DNA2: variants seen among roughly 807,000 people sequenced by gnomAD.
The protein encoded by DNA2 is DNA replication ATP-dependent helicase/nuclease DNA2.
Under a neutral mutation model 119.1 loss-of-function variants are expected in DNA2, and 101 were observed. The ratio of observed to expected loss-of-function variants is 0.85; its 90% CI spans 0.72 to 1.00. The LOEUF (loss-of-function observed/expected upper bound fraction) is 1.00, where lower values mean the gene tolerates loss of function less well. Ranked by LOEUF, DNA2 falls within the 50% of genes least tolerant of loss-of-function variation. DNA2 has a pLI of 0.00. For missense variants in DNA2, 1,121 were observed against 1,255.5 expected (o/e 0.89, Z 1.62); for synonymous variants, 366 against 424.4 (o/e 0.86, Z 1.69).
At chr10:68,463,607 C>T (rs1329993190) in intron 4 of DNA2, among the ~76,000 whole-genome samples, 11 of 148,146 alleles carry the variant, frequency 7.4e-5, no homozygotes, top group Non-Finnish European at 1.6e-4. Flanking sequence ...GGAGGTGGAG[C>T]TTGCAGTGAG....
Position 68,445,088 on chromosome 10 carries a change from GA to G in DNA2, c.1058-6del, listed in dbSNP as rs201474338. The G allele has an allele frequency of 3.5e-3, 5,544 of 1,570,198 alleles. 65 individuals carry two copies. The highest frequency in any genetic ancestry group is 0.02 in the African/African-American group (1,472 of 72,412). On this transcript the variant is annotated splice_region_variant and splice_polypyrimidine_tract_variant and intron_variant, in intron 7 of 20. Transcript: ENST00000358410. ...GGTTTCTTAGCTTTAATAATTCTAT[GA>G]AAAAAAAGGTGAATGTCTTTTTAAG...
At chr10:68,449,997 A>T in intron 6 of DNA2, 31 bp downstream of exon 6, 2 of 1,458,304 alleles carry the variant, frequency 1.4e-6, no homozygotes, top group East Asian at 2.5e-5. Flanking sequence ...AAAAAGTATA[A>T]AACAGACAAT....
At position 68,437,166 on chromosome 10, in the gene DNA2, T is replaced by C. The variant is rs549990947; in HGVS notation, c.1491A>G (p.Leu497=). 101 of 1,613,928 alleles carry C rather than the reference T, an allele frequency of 6.3e-5. 1 individual carries two copies. The South Asian group carries it at 1.1e-3, about 17-fold the overall frequency. Residue 497 remains leucine (L), a synonymous_variant, in exon 10 of 21, where the codon TTA becomes TTG. Transcript: ENST00000358410. ...HVKIVCDGQY[L]HNFQCKHGAI... ...CACCATGTTTACATTGGAAATTATG[T>C]AAATATTGCCCATCACAAACTATCT...
chr10:68,453,900 T>C lies in DNA2; in HGVS notation c.720-3653A>G, dbSNP rs138476605. 5.6e-3 allele frequency among the ~76,000 whole-genome samples: 848 copies of C among 152,320 alleles called. 13 individuals carry two copies. The highest frequency in any genetic ancestry group is 0.019 in the African/African-American group (794 of 41,586). ...CCATCATTAAGCTAGCATGAGTGCA[T>C]TGTATATAAAATGTATATAAGTTTG... On this transcript the variant is annotated intron_variant, in intron 5 of 20. Coordinates refer to ENST00000358410, the MANE Select transcript of DNA2 (RefSeq NM_001080449.3).
chr10:68,466,931 A>G (rs908347272), intron 3 of DNA2, among the ~76,000 whole-genome samples: 1 of 152,008 alleles, frequency 6.6e-6, no homozygotes, highest in African/African-American at 2.4e-5. Context: ...GCTCATGCCT[A>G]TAGTCCCAGC....
At chr10:68,418,833 C>T (rs1372401739) in intron 19 of DNA2, among the ~76,000 whole-genome samples, 2 of 151,754 alleles carry the variant, frequency 1.3e-5, no homozygotes, top group African/African-American at 2.4e-5. Context: ...CCACCACGCC[C>T]GGCTAATTTT....
chr10:68,471,282 A>C (rs2052378579), intron 1 of DNA2, among the ~76,000 whole-genome samples: 1 of 152,212 alleles, frequency 6.6e-6, no homozygotes, highest in African/African-American at 2.4e-5. Context: ...TGCCTTAAAG[A>C]TGTTTCTCAA....
rs569824892 is a variant in DNA2, at chr10:68,414,750, A to T, written c.*289T>A. The T allele has an allele frequency of 3.5e-6, 1 of 287,052 alleles. No homozygotes were observed. The highest frequency in any genetic ancestry group is 6.6e-6 in the Non-Finnish European group (1 of 151,694). 17.8% of individuals were successfully genotyped at this position (287,052 alleles called of 1,614,324 possible). ...TCTTTCAAATAAAGTTCTTACAATG[A>T]TATCTACAAAATCAAATTAGTCCTG... On this transcript the variant is annotated 3_prime_UTR_variant, in exon 21 of 21. Transcript: ENST00000358410.
rs201474338 is a variant in DNA2, at chr10:68,445,088, G to GA, written c.1058-6dup. 64 of 1,570,064 alleles carry GA rather than the reference G, an allele frequency of 4.1e-5. No individual in the cohort carries two copies. Among genetic ancestry groups the GA allele is most frequent in the Admixed American group, 7.7e-5 (4 of 51,912 alleles). ...GGTTTCTTAGCTTTAATAATTCTATGAAAAAAAAGGTGAATGTCTTTTTAA... is the reference window on the plus strand; with the variant it reads ...GGTTTCTTAGCTTTAATAATTCTATGAAAAAAAAAGGTGAATGTCTTTTTAA... On this transcript the variant is annotated splice_region_variant and splice_polypyrimidine_tract_variant and intron_variant, in intron 7 of 20. Transcript: ENST00000358410.
Position 68,422,886 on chromosome 10 carries a change from A to T in DNA2, c.2213T>A (p.Ile738Lys), listed in dbSNP as rs1206193399. 2 of 1,567,046 alleles carry T rather than the reference A, an allele frequency of 1.3e-6. No homozygotes were observed. ...TATTCCCATACATGTTGTTGCAACT[A>T]TAAGCTAAAAACAAGGAAAACAGAT... is the stretch of plus-strand genomic sequence containing the variant. ...LLEELYNSQLIVATTCMGINH... is the reference protein window; with the variant it reads ...LLEELYNSQLKVATTCMGINH... The change falls in exon 15 of 21, where the codon ATA becomes AAA. Residue 738 changes from isoleucine (I) to lysine (K), a missense_variant. Coordinates refer to ENST00000358410, the MANE Select transcript of DNA2 (RefSeq NM_001080449.3).
At chr10:68,458,854 A>C (rs1408160706) in intron 5 of DNA2, among the ~76,000 whole-genome samples, 4 of 152,192 alleles carry the variant, frequency 2.6e-5, no homozygotes, top group Admixed American at 2.6e-4. Flanking sequence ...CATCTCAAAA[A>C]AAAAGAAAGA....
At position 68,442,970 on chromosome 10, in the gene DNA2, C is replaced by T. The variant is rs74537378; in HGVS notation, c.1362G>A (p.Ser454=). 4.9e-3 allele frequency: 7,826 copies of T among 1,612,490 alleles called. 315 individuals are homozygous for T. In the African/African-American group the frequency reaches 0.091, roughly 19 times the overall value. The change falls in exon 9 of 21, where the codon TCG becomes TCA. Residue 454 remains serine (S), a synonymous_variant. Coordinates refer to ENST00000358410, the MANE Select transcript of DNA2 (RefSeq NM_001080449.3). ...TTTGGTGATTCTTTTTATTATCCTTCGATTGTGACTCCAGGGTTAACATTA... is the reference window on the plus strand; with the variant it reads ...TTTGGTGATTCTTTTTATTATCCTTTGATTGTGACTCCAGGGTTAACATTA... ...WCLMLTLESQ[S]KDNKKNHQNI...
chr10:68,448,752 A>T (rs2052074068), intron 6 of DNA2, among the ~76,000 whole-genome samples: 1 of 151,602 alleles, frequency 6.6e-6, no homozygotes, highest in Non-Finnish European at 1.5e-5. Context: ...TGGAATCCAG[A>T]TCACTTAAGA....
chr10:68,442,268 A>T (rs1241500005), intron 9 of DNA2, among the ~76,000 whole-genome samples: 2 of 150,272 alleles, frequency 1.3e-5, no homozygotes, highest in African/African-American at 4.9e-5. Flanking sequence ...ACCCAGGTTG[A>T]AGTGCAGTGG....
intron 10 of DNA2, among the ~76,000 whole-genome samples, chr10:68,434,620 C>G (rs1365662914): frequency 1.3e-5 from 2 of 151,802 alleles, no homozygotes; most frequent in Non-Finnish European, 2.9e-5. Flanking sequence ...CCACTGTACT[C>G]CAGCCTGGGC....
rs71019005 is a variant in DNA2, at chr10:68,469,390, C to CAA, written c.257+589_257+590dup. Among the ~76,000 whole-genome samples, 87 of 76,034 alleles carry CAA rather than the reference C, an allele frequency of 1.1e-3. 1 individual carries two copies. Among genetic ancestry groups the CAA allele is most frequent in the South Asian group, 2.5e-3 (6 of 2,394 alleles). 49.9% of individuals were successfully genotyped at this position (76,034 alleles called of 152,430 possible). A position where few individuals can be genotyped will look rare whatever the true frequency, so the allele number is the denominator to read the frequency against. On this transcript the variant is annotated intron_variant, in intron 2 of 20. Transcript: ENST00000358410. ...TGAAACCCTGTCTCTACTAAAAATA[C>CAA]AAAAAAAAAAAAAAAAAAAAGAATG...
chr10:68,439,393 T>G lies in DNA2; in HGVS notation c.1416-2152A>C, dbSNP rs144940063. 8.8e-4 allele frequency among the ~76,000 whole-genome samples: 134 copies of G among 151,698 alleles called. 1 individual carries two copies. The East Asian group carries it at 0.023, about 26-fold the overall frequency. ...TGGGGAACATGAGCAAAACTCCATC[T>G]CAAAAAAAGAAAAAAAAATTTTTGA... On this transcript the variant is annotated intron_variant, in intron 9 of 20. Coordinates refer to ENST00000358410, the MANE Select transcript of DNA2 (RefSeq NM_001080449.3).
intron 14 of DNA2, among the ~76,000 whole-genome samples, chr10:68,426,958 AGGGC>A (rs2051750127): frequency 6.6e-6 from 1 of 152,250 alleles, no homozygotes. Flanking sequence ...TATCCATTAA[AGGGC>A]TAGTATTAGA....
chr10:68,466,744 A>C (rs2052331894), intron 3 of DNA2, among the ~76,000 whole-genome samples: 1 of 152,014 alleles, frequency 6.6e-6, no homozygotes, highest in South Asian at 2.1e-4. Flanking sequence ...ACACCCGGCT[A>C]ATTTTTTTGT....
Sources: allele counts gnomAD v4.1 joint callset (sites outside exome capture counted in the v4.1 genomes callset), GRCh38; gene constraint gnomAD v4.1.1; transcripts MANE v1.5; gene names NCBI Gene and HGNC (gene_info 2026-07-23, HGNC 2026-07-21).